The following DHRS7 variants were observed in gnomAD, a reference collection of about 807,000 sequenced individuals.
DHRS7 encodes the protein dehydrogenase/reductase SDR family member 7.
DHRS7 carries 34 observed loss-of-function variants against 38.9 expected under a neutral mutation model. That is an observed-to-expected ratio of 0.87 (90% confidence interval 0.66 to 1.16). The LOEUF is 1.16. DHRS7 is among the 50% of genes most tolerant of loss of function. The probability of loss-of-function intolerance (pLI) is 0.00; values close to 1 mark genes in which losing one functional copy is unlikely to be tolerated. For synonymous variants in DHRS7, 158 were observed against 153.1 expected, an observed-to-expected ratio of 1.03 and a Z score of -0.24; for missense variants, 421 against 407.0, an observed-to-expected ratio of 1.03 and a Z score of -0.30.
Position 60,150,075 on chromosome 14 carries a change from T to C in DHRS7, c.746A>G (p.Glu249Gly), listed in dbSNP as rs148256416. The C allele has an allele frequency of 6.3e-7, 1 of 1,597,162 alleles. No individual in the cohort carries two copies. Among genetic ancestry groups the C allele is most frequent in the African/African-American group, 1.4e-5 (1 of 73,588 alleles). The change falls in exon 5 of 7, where the codon GAA (glutamate) becomes GGA (glycine). Residue 249 changes from glutamate to glycine, a missense_variant. Physicochemically the swap from Glu to Gly is moderately conservative, Grantham distance 98 (BLOSUM62 -2). Coordinates refer to ENST00000557185, the MANE Select transcript of DHRS7 (RefSeq NM_016029.4). ...SNIVENSLAGEVTKTIGNNGD... is the reference protein window; with the variant it reads ...SNIVENSLAGGVTKTIGNNGD... Reference sequence around the variant, plus strand: ...ACTAGAAATTTTTACCTTTGTGACTTCTCCAGCTAGGGAATTCTCCACAAT... The same window carrying C: ...ACTAGAAATTTTTACCTTTGTGACTCCTCCAGCTAGGGAATTCTCCACAAT...
At chr14:60,169,616 C>T (rs1320166849), upstream of DHRS7, 1 of 152,244 alleles carries the variant, frequency 6.6e-6, no homozygotes, top group Non-Finnish European at 1.5e-5. Context: ...AAAGGGGTGA[C>T]CCTTTGAAAT....
intron 1 of DHRS7, 67 bp from the exon 2 acceptor site, chr14:60,156,219 G>T: frequency 6.7e-5 from 74 of 1,109,984 alleles, no homozygotes; most frequent in Middle Eastern, 2.3e-4. Flanking sequence ...TCCAAGATTA[G>T]AAAAAAAAAA....
chr14:60,146,347 C>G lies in DHRS7; in HGVS notation c.973-1334G>C, dbSNP rs1398988929. ...TTCTGGAAGTACTACTACAGTGGGA[C>G]TGAAATTCTCTAGTCCCTGGTCCCT... On this transcript the variant is annotated intron_variant, in intron 6 of 6. Coordinates refer to ENST00000557185, the MANE Select transcript of DHRS7 (RefSeq NM_016029.4). The surrounding 1 kb of genome is among the most constrained non-coding windows in gnomAD (Gnocchi z 4.9). The G allele has an allele frequency of 6.6e-6, 1 of 151,936 alleles. No homozygotes were observed. Among genetic ancestry groups the G allele is most frequent in the African/African-American group, 2.4e-5 (1 of 41,364 alleles). 9.4% of individuals were successfully genotyped at this position (151,936 alleles called of 1,614,324 possible). A position where few individuals can be genotyped will look rare whatever the true frequency, so the allele number is the denominator to read the frequency against.
Position 60,148,061 on chromosome 14 carries a change from G to A in DHRS7, c.972+1292C>T, listed in dbSNP as rs750238416. On this transcript the variant is annotated intron_variant, in intron 6 of 6. Coordinates refer to ENST00000557185, the MANE Select transcript of DHRS7 (RefSeq NM_016029.4). The surrounding 1 kb of genome is among the most constrained non-coding windows in gnomAD (Gnocchi z 4.8). ...ATTACTACTTGGTAGAAAACGAAAA[G>A]CTCCTTTTTGATTTTTCACACTCTG... 2 of 152,156 alleles carry A rather than the reference G, an allele frequency of 1.3e-5. No individual in the cohort carries two copies. Among genetic ancestry groups the A allele is most frequent in the Admixed American group, 6.5e-5 (1 of 15,272 alleles). 9.4% of individuals were successfully genotyped at this position (152,156 alleles called of 1,614,324 possible). A position where few individuals can be genotyped will look rare whatever the true frequency, so the allele number is the denominator to read the frequency against.
At chr14:60,168,983 T>TC, upstream of DHRS7, 1 of 392,214 alleles carries the variant, frequency 2.5e-6, no homozygotes, top group Admixed American at 4.4e-5. Flanking sequence ...TTAACATACA[T>TC]TGCACCGAGG....
intron 2 of DHRS7, 61 bp downstream of exon 2, chr14:60,155,937 CTG>C (rs1896649058): frequency 3.7e-6 from 5 of 1,366,220 alleles, no homozygotes; most frequent in Middle Eastern, 3.9e-4. Context: ...AGTCCCAAAA[CTG>C]TATTTGAGTT....
chr14:60,165,665 C>G, upstream of DHRS7: 1 of 1,062,410 alleles, frequency 9.4e-7, no homozygotes, highest in Non-Finnish European at 1.1e-6. This position sits in a 1 kb window ranked among gnomAD's most constrained non-coding sequence, Gnocchi z 4.6. Flanking sequence ...CAAACATAAG[C>G]TACATATTAT....
At position 60,161,691 on chromosome 14, in the gene DHRS7, G is replaced by C. The variant is rs1163837242; in HGVS notation, c.133+3486C>G. Among the ~76,000 whole-genome samples, 3 of 152,166 alleles carry C rather than the reference G, an allele frequency of 2.0e-5. No homozygotes were observed. Among genetic ancestry groups the C allele is most frequent in the African/African-American group, 7.2e-5 (3 of 41,442 alleles). On this transcript the variant is annotated intron_variant, in intron 1 of 6. Coordinates refer to ENST00000557185, the MANE Select transcript of DHRS7 (RefSeq NM_016029.4). The surrounding 1 kb of genome is among the most constrained non-coding windows in gnomAD (Gnocchi z 4.2). ...TGGCTAGGGCAGGACACAGGATTCG[G>C]TAGGGTCTGGACAGTGCAGAGCAGG...
At chr14:60,167,073 T>TACA (rs1377844091), upstream of DHRS7, among the ~76,000 whole-genome samples, 1 of 152,236 alleles carries the variant, frequency 6.6e-6, no homozygotes, top group Non-Finnish European at 1.5e-5. Flanking sequence ...GGGGTGCCTA[T>TACA]AGTCAATAAT....
upstream of DHRS7, chr14:60,169,570 T>C (rs1390424048): frequency 2.0e-5 from 3 of 152,208 alleles, no homozygotes; most frequent in African/African-American, 7.2e-5. Context: ...TGTGAAACCA[T>C]CACCACAATC....
intron 6 of DHRS7, chr14:60,149,042 G>T: frequency 3.0e-6 from 1 of 337,610 alleles, no homozygotes. Context: ...GCACCATCCT[G>T]GCTCACTGCA....
Position 60,153,327 on chromosome 14 carries a change from ATAAAG to A in DHRS7, c.394-154_394-150del, listed in dbSNP as rs1267814062. On this transcript the variant is annotated intron_variant, in intron 3 of 6. Coordinates refer to ENST00000557185, the MANE Select transcript of DHRS7 (RefSeq NM_016029.4). This position sits in a 1 kb window ranked among gnomAD's most constrained non-coding sequence, Gnocchi z 4.4. ...AGAAGTCAGCAATTAAAAAGATAAA[ATAAAG>A]CCCTGAATTTACCTGTGGAATTAAA... is the stretch of plus-strand genomic sequence containing the variant. 2.0e-6 allele frequency: 2 copies of A among 1,004,918 alleles called. No homozygotes were observed. The highest frequency in any genetic ancestry group is 3.3e-5 in the African/African-American group (2 of 60,864). 62.3% of individuals were successfully genotyped at this position (1,004,918 alleles called of 1,614,324 possible). A position where few individuals can be genotyped will look rare whatever the true frequency, so the allele number is the denominator to read the frequency against.
At chr14:60,151,966 G>T (rs954518220) in intron 4 of DHRS7, among the ~76,000 whole-genome samples, 2 of 152,288 alleles carry the variant, frequency 1.3e-5, no homozygotes, top group Middle Eastern at 3.4e-3. Flanking sequence ...TTGCCCAACT[G>T]CTCCACAGGA....
chr14:60,159,193 T>A lies in DHRS7; in HGVS notation c.134-3041A>T, dbSNP rs572619625. The A allele has an allele frequency of 2.4e-3, 874 of 363,246 alleles. 12 individuals carry two copies. Among genetic ancestry groups the A allele is most frequent in the South Asian group, 0.017 (694 of 41,712 alleles). 22.5% of individuals were successfully genotyped at this position (363,246 alleles called of 1,614,324 possible). A position where few individuals can be genotyped will look rare whatever the true frequency, so the allele number is the denominator to read the frequency against. On this transcript the variant is annotated intron_variant, in intron 1 of 6. Transcript: ENST00000557185. ...CCCAACATACACTTCAAGATCTCCCTGTCAGAGGAGATGCGGTTACGGAAG... is the reference window on the plus strand; with the variant it reads ...CCCAACATACACTTCAAGATCTCCCAGTCAGAGGAGATGCGGTTACGGAAG...
At chr14:60,165,499 G>T, upstream of DHRS7, 1 of 1,309,244 alleles carries the variant, frequency 7.6e-7, no homozygotes, top group South Asian at 2.2e-5. This position sits in a 1 kb window ranked among gnomAD's most constrained non-coding sequence, Gnocchi z 4.6. Flanking sequence ...CCCCACTCGC[G>T]GTCCTTGGGC....
In DHRS7 at chr14:60,165,237, A is replaced by T; in HGVS notation, c.73T>A (p.Phe25Ile). 6.2e-7 allele frequency: 1 copy of T among 1,610,996 alleles called. No homozygotes were observed. Among genetic ancestry groups the T allele is most frequent in the Non-Finnish European group, 8.5e-7 (1 of 1,179,578 alleles). The part of the protein sequence containing the change: ...LLLLLVQLLR[F>I]LRADGDLTLL... Reference sequence around the variant, plus strand: ...GTCAGGTCGCCGTCAGCCCTCAGGAAGCGCAGCAGCTGCACCAAGAGCAGG... The same window carrying T: ...GTCAGGTCGCCGTCAGCCCTCAGGATGCGCAGCAGCTGCACCAAGAGCAGG... Residue 25 changes from phenylalanine (F) to isoleucine (I), a missense_variant, in exon 1 of 7, where the codon TTC becomes ATC. By Grantham distance (21) the Phe-to-Ile change is conservative. Coordinates refer to ENST00000557185, the MANE Select transcript of DHRS7 (RefSeq NM_016029.4). This position sits in a 1 kb window ranked among gnomAD's most constrained non-coding sequence, Gnocchi z 4.6.
chr14:60,167,500 C>G (rs116259571), upstream of DHRS7, among the ~76,000 whole-genome samples: 1,083 of 152,106 alleles, frequency 7.1e-3, 9 homozygotes, highest in African/African-American at 0.024. Context: ...GGTCTGGGGT[C>G]AGGCCCATTC....
upstream of DHRS7, chr14:60,166,078 AGAATGT>A (rs1308501668): frequency 4.1e-5 from 14 of 344,880 alleles, no homozygotes; most frequent in Non-Finnish European, 5.7e-5. Flanking sequence ...ATAAAAACAG[AGAATGT>A]AATGAAAACA....
intron 4 of DHRS7, among the ~76,000 whole-genome samples, 158 bp from the exon 5 acceptor site, chr14:60,150,345 C>A (rs1595192351): frequency 6.6e-6 from 1 of 151,934 alleles, no homozygotes; most frequent in Non-Finnish European, 1.5e-5. Flanking sequence ...ATTTTAAGTT[C>A]TAGGGTACAT....
Sources: gnomAD v4.1 joint callset for allele counts (sites outside exome capture counted in the v4.1 genomes callset) on GRCh38, gnomAD v4.1.1 for gene constraint, Gnocchi (gnomAD v3.1) non-coding constraint, MANE v1.5 for transcripts, NCBI Gene and HGNC (gene_info 2026-07-23, HGNC 2026-07-21) for gene names.